CAMTA1: variants seen among roughly 807,000 people sequenced by gnomAD.
CAMTA1 encodes the protein calmodulin binding transcription activator 1.
Under a neutral mutation model 170.9 loss-of-function variants are expected in CAMTA1, and 27 were observed. The observed-to-expected ratio is 0.16, with a 90% confidence interval of 0.12 to 0.22. The LOEUF (loss-of-function observed/expected upper bound fraction) is 0.22. CAMTA1 is among the 10% of genes least tolerant of loss of function. The probability of loss-of-function intolerance (pLI) is 1.00; values close to 1 mark genes in which losing one functional copy is unlikely to be tolerated. For synonymous variants in CAMTA1, 833 were observed against 891.5 expected, an observed-to-expected ratio of 0.93 and a Z score of 1.17; for missense variants, 1,619 against 2,217.2, an observed-to-expected ratio of 0.73 and a Z score of 5.42.
At chr1:7,368,665 T>C (rs1274950139) in intron 5 of CAMTA1, among the ~76,000 whole-genome samples, 2 of 152,214 alleles carry the variant, frequency 1.3e-5, no homozygotes, top group African/African-American at 2.4e-5. Flanking sequence ...TTTTCTTCTT[T>C]TCTCGTCTGC....
intron 3 of CAMTA1, among the ~76,000 whole-genome samples, chr1:6,983,958 G>T (rs1694871385): frequency 6.6e-6 from 1 of 150,538 alleles, no homozygotes; most frequent in African/African-American, 2.4e-5. Flanking sequence ...AGGGTTGGGG[G>T]TGGATAAATG....
At chr1:7,117,869 CTGTCCCTACCAGGCCTG>C (rs1223076412) in intron 4 of CAMTA1, among the ~76,000 whole-genome samples, 6 of 152,218 alleles carry the variant, frequency 3.9e-5, no homozygotes. Flanking sequence ...GGTCATCCTG[CTGTCCCTACCAGGCCTG>C]CCCACTCAGG....
chr1:7,647,030 C>T (rs1034901931), intron 7 of CAMTA1, among the ~76,000 whole-genome samples: 10 of 152,194 alleles, frequency 6.6e-5, no homozygotes, highest in African/African-American at 1.9e-4. Flanking sequence ...TGCAAACGGG[C>T]CCCTCATTGC....
At position 6,910,658 on chromosome 1, in the gene CAMTA1, C is replaced by T. The variant is rs539999581; in HGVS notation, c.234+85448C>T. Among the ~76,000 whole-genome samples, 7 of 152,352 alleles carry T rather than the reference C, an allele frequency of 4.6e-5. No homozygotes were observed. In the East Asian group the frequency reaches 7.7e-4, roughly 17 times the overall value. ...ATCTGGGAAGGTCATTGTGTCCTTG[C>T]AGTCCATCTTGTGCCTTTTCTGTTT... On this transcript the variant is annotated intron_variant, in intron 3 of 22. Coordinates refer to ENST00000303635, the MANE Select transcript of CAMTA1 (RefSeq NM_015215.4).
intron 5 of CAMTA1, among the ~76,000 whole-genome samples, chr1:7,446,375 T>A (rs998254711): frequency 6.6e-6 from 1 of 152,172 alleles, no homozygotes; most frequent in African/African-American, 2.4e-5. Context: ...TAGGTAAATA[T>A]AACAATATTT....
At chr1:7,017,105 C>T (rs1370831187) in intron 3 of CAMTA1, among the ~76,000 whole-genome samples, 1 of 152,166 alleles carries the variant, frequency 6.6e-6, no homozygotes, top group Non-Finnish European at 1.5e-5. Context: ...TACTGTGGTC[C>T]TGGAAGTTGC....
chr1:7,178,938 C>G (rs964988362), intron 4 of CAMTA1, among the ~76,000 whole-genome samples: 1 of 152,196 alleles, frequency 6.6e-6, no homozygotes, highest in South Asian at 2.1e-4. Flanking sequence ...TGGCAGTGGC[C>G]GTGGAGGAGC....
rs2095247326 is a variant in CAMTA1, at chr1:7,580,203, T to G, written c.511-60197T>G. The stretch of plus-strand genomic sequence containing the variant: ...GAAGAGCTCCTGGCCAAGGTCTTTG[T>G]GTTCAGACCAGAAGAGGAAGGAGGG... On this transcript the variant is annotated intron_variant, in intron 6 of 22. Transcript: ENST00000303635. The surrounding 1 kb of genome is among the most constrained non-coding windows in gnomAD (Gnocchi z 4.3). 6.6e-6 allele frequency among the ~76,000 whole-genome samples: 1 copy of G among 152,166 alleles called. No individual in the cohort carries two copies. Among genetic ancestry groups the G allele is most frequent in the Non-Finnish European group, 1.5e-5 (1 of 68,038 alleles).
At chr1:7,062,897 G>A (rs1708455788) in intron 3 of CAMTA1, among the ~76,000 whole-genome samples, 1 of 152,122 alleles carries the variant, frequency 6.6e-6, no homozygotes, top group East Asian at 1.9e-4. Context: ...CAACCTGTGC[G>A]TCTCTGTTTT....
intron 5 of CAMTA1, among the ~76,000 whole-genome samples, chr1:7,302,160 G>T: frequency 8.2e-6 from 1 of 122,588 alleles, no homozygotes; most frequent in African/African-American, 2.5e-5. Flanking sequence ...TTTCTCTTTG[G>T]TGGGGGTGGG....
intron 19 of CAMTA1, chr1:7,749,625 C>T (rs1577397841): frequency 3.0e-6 from 1 of 332,746 alleles, no homozygotes; most frequent in Non-Finnish European, 5.9e-6. Context: ...AACTATAAAA[C>T]AAATATTTTG....
intron 5 of CAMTA1, among the ~76,000 whole-genome samples, chr1:7,303,707 C>A (rs897737136): frequency 2.0e-5 from 3 of 152,090 alleles, no homozygotes; most frequent in African/African-American, 7.2e-5. Flanking sequence ...ATGTAGCATG[C>A]CAGATGGTCA....
intron 4 of CAMTA1, among the ~76,000 whole-genome samples, chr1:7,182,608 G>A (rs1257251527): frequency 1.3e-5 from 2 of 151,742 alleles, no homozygotes; most frequent in Non-Finnish European, 2.9e-5. Context: ...TTAAAGAAAA[G>A]ATTGACAAGT....
intron 5 of CAMTA1, among the ~76,000 whole-genome samples, chr1:7,319,474 T>C (rs1306353404): frequency 6.6e-6 from 1 of 152,146 alleles, no homozygotes; most frequent in Non-Finnish European, 1.5e-5. Flanking sequence ...TCTGCCATGA[T>C]TGTAAGTTCC....
intron 5 of CAMTA1, among the ~76,000 whole-genome samples, chr1:7,370,905 T>C (rs1466559424): frequency 1.4e-4 from 7 of 49,320 alleles, no homozygotes; most frequent in African/African-American, 4.7e-4. Flanking sequence ...ACTTTCTTTT[T>C]CTTTCTTTCT....
At chr1:7,000,527 C>G (rs1359138232) in intron 3 of CAMTA1, among the ~76,000 whole-genome samples, 1 of 152,178 alleles carries the variant, frequency 6.6e-6, no homozygotes, top group African/African-American at 2.4e-5. Flanking sequence ...AGCAGTGGAA[C>G]AGTCTGGCTG....
intron 6 of CAMTA1, among the ~76,000 whole-genome samples, chr1:7,526,304 G>A (rs1308841041): frequency 6.6e-6 from 1 of 151,966 alleles, no homozygotes; most frequent in Non-Finnish European, 1.5e-5. Context: ...ATCTCCCCGA[G>A]CTCCCCCACC....
rs573253201 is a variant in CAMTA1, at chr1:7,037,066, TG to T, written c.235-54237del. 6.9e-3 allele frequency among the ~76,000 whole-genome samples: 1,044 copies of T among 152,364 alleles called. 6 individuals carry two copies. Among genetic ancestry groups the T allele is most frequent in the Non-Finnish European group, 0.011 (740 of 68,028 alleles). ...AAACAAAAGAACCTTTTGAGTTTGT[TG>T]ATGATAATATCCTACGGACACATCA... is the stretch of plus-strand genomic sequence containing the variant. On this transcript the variant is annotated intron_variant, in intron 3 of 22. Transcript: ENST00000303635.
intron 3 of CAMTA1, among the ~76,000 whole-genome samples, chr1:6,964,617 T>G (rs554160959): frequency 1.3e-5 from 2 of 152,330 alleles, no homozygotes; most frequent in African/African-American, 4.8e-5. Flanking sequence ...TTTCTTATTC[T>G]CTTGCCCCCA....
Sources: allele counts gnomAD v4.1 joint callset (sites outside exome capture counted in the v4.1 genomes callset), GRCh38; gene constraint gnomAD v4.1.1; non-coding constraint Gnocchi (gnomAD v3.1); transcripts MANE v1.5; gene names NCBI Gene and HGNC (gene_info 2026-07-23, HGNC 2026-07-21).